The following C3orf49 variants were observed in gnomAD, a reference collection of about 807,000 sequenced individuals.
The protein encoded by C3orf49 is putative uncharacterized protein C3orf49.
Under a neutral mutation model 13.3 loss-of-function variants are expected in C3orf49, and 27 were observed. The ratio of observed to expected loss-of-function variants is 2.02; its 90% CI spans 1.49 to 2.79. The LOEUF (loss-of-function observed/expected upper bound fraction) is 2.79, where lower values mean the gene tolerates loss of function less well. Ranked by LOEUF, C3orf49 falls within the 30% of genes most tolerant of loss-of-function variation. C3orf49 has a pLI of 0.00. For synonymous variants in C3orf49, 87 were observed against 47.6 expected, an observed-to-expected ratio of 1.83 and a Z score of -3.40; for missense variants, 242 against 134.2, an observed-to-expected ratio of 1.80 and a Z score of -3.97.
chr3:63,785,823 T>A, the C3orf49 span, among the ~76,000 whole-genome samples: 4 of 152,008 alleles, frequency 2.6e-5, no homozygotes, highest in African/African-American at 4.8e-5. Context: ...TGCAACTATC[T>A]GTTAAGTAAT....
intron 6 of C3orf49, among the ~76,000 whole-genome samples, chr3:63,846,412 T>G (rs1431734557): frequency 1.3e-5 from 2 of 152,020 alleles, no homozygotes; most frequent in Admixed American, 6.6e-5. Flanking sequence ...TATTTAAAAA[T>G]TTTTATTTTT....
the C3orf49 span, among the ~76,000 whole-genome samples, chr3:63,801,978 T>C: frequency 2.0e-5 from 3 of 152,230 alleles, no homozygotes; most frequent in African/African-American, 7.2e-5. Context: ...CAAATGCCTA[T>C]TCTTTACACT....
upstream of C3orf49, among the ~76,000 whole-genome samples, chr3:63,815,768 TTTC>T (rs1169216873): frequency 1.1e-4 from 16 of 147,790 alleles, no homozygotes; most frequent in African/African-American, 4.2e-4. Context: ...TTTTCTTTTC[TTTC>T]TTTTTTTTTT....
the C3orf49 span, chr3:63,786,039 T>C: frequency 6.6e-6 from 1 of 152,134 alleles, no homozygotes. Flanking sequence ...TGCTGTCAAT[T>C]ATAAAGCCAG....
chr3:63,813,407 C>T, the C3orf49 span, among the ~76,000 whole-genome samples: 2 of 152,114 alleles, frequency 1.3e-5, no homozygotes, highest in South Asian at 2.1e-4. Context: ...CAGTGGGGTA[C>T]AGCCCAGAGC....
upstream of C3orf49, among the ~76,000 whole-genome samples, chr3:63,816,036 G>A (rs192371117): frequency 2.6e-5 from 4 of 151,196 alleles, no homozygotes; most frequent in South Asian, 2.1e-4. Context: ...TGCCTGCCTC[G>A]GCCTCTCAAA....
chr3:63,799,277 G>C, the C3orf49 span, among the ~76,000 whole-genome samples: 1 of 152,140 alleles, frequency 6.6e-6, no homozygotes, highest in Admixed American at 6.6e-5. Flanking sequence ...TGTGTGTGGG[G>C]AAGCTTGTGT....
chr3:63,835,287 T>TA, intron 5 of C3orf49: 1 of 1,612,178 alleles, frequency 6.2e-7, no homozygotes, highest in Non-Finnish European at 8.5e-7. Flanking sequence ...GACAGACAGA[T>TA]AGACAGATCA....
the C3orf49 span, among the ~76,000 whole-genome samples, chr3:63,782,133 C>T: frequency 1.3e-5 from 2 of 152,154 alleles, no homozygotes; most frequent in African/African-American, 2.4e-5. Flanking sequence ...TAGCCAGAAT[C>T]TCCCTTGAGG....
chr3:63,833,878 A>G (rs1463452607), intron 5 of C3orf49: 10 of 396,758 alleles, frequency 2.5e-5, no homozygotes, highest in East Asian at 4.4e-5. Flanking sequence ...TATGCAGCTT[A>G]AAAGCATTTT....
At chr3:63,815,850 T>C (rs1371376671), upstream of C3orf49, among the ~76,000 whole-genome samples, 2 of 149,392 alleles carry the variant, frequency 1.3e-5, no homozygotes, top group African/African-American at 4.9e-5. Flanking sequence ...CACTGCATCC[T>C]CTGCCTCCTG....
In C3orf49 at chr3:63,842,402, A is replaced by T. The variant is rs1015287056; in HGVS notation, c.850-2621A>T. 2.6e-5 allele frequency among the ~76,000 whole-genome samples: 4 copies of T among 152,178 alleles called. No homozygotes were observed. In the South Asian group the frequency reaches 8.3e-4, roughly 32 times the overall value. The stretch of plus-strand genomic sequence containing the variant: ...TACAGGTATTATGGAAAACAAAATG[A>T]AGAGTCCTCAAAAAACTGAAAATAT... On this transcript the variant is annotated intron_variant, in intron 5 of 6. Transcript: ENST00000295896.
chr3:63,800,751 A>G, the C3orf49 span, among the ~76,000 whole-genome samples: 2 of 152,076 alleles, frequency 1.3e-5, no homozygotes, highest in Admixed American at 6.5e-5. Context: ...CTCTTCCCAT[A>G]TGTTTTTAAA....
intron 5 of C3orf49, among the ~76,000 whole-genome samples, chr3:63,836,127 G>A (rs942690403): frequency 6.6e-6 from 1 of 151,778 alleles, no homozygotes; most frequent in African/African-American, 2.4e-5. Context: ...ACATATAGCT[G>A]GTAAGGTTAG....
chr3:63,820,882 C>A (rs1701384970), intron 1 of C3orf49, among the ~76,000 whole-genome samples: 1 of 152,042 alleles, frequency 6.6e-6, no homozygotes, highest in African/African-American at 2.4e-5. Flanking sequence ...TTGCAGAACC[C>A]TGCCCTTGGT....
chr3:63,810,131 GC>G, the C3orf49 span, among the ~76,000 whole-genome samples: 2 of 151,502 alleles, frequency 1.3e-5, no homozygotes, highest in Non-Finnish European at 2.9e-5. Flanking sequence ...GGGCGACAGA[GC>G]AAGACACCAT....
At chr3:63,840,256 T>C (rs1701729067) in intron 5 of C3orf49, among the ~76,000 whole-genome samples, 1 of 152,104 alleles carries the variant, frequency 6.6e-6, no homozygotes, top group Non-Finnish European at 1.5e-5. Flanking sequence ...ACAGGAAATA[T>C]TTAAAAGATG....
the C3orf49 span, among the ~76,000 whole-genome samples, chr3:63,785,775 G>A: frequency 6.6e-6 from 1 of 151,880 alleles, no homozygotes; most frequent in Non-Finnish European, 1.5e-5. Context: ...ATGCAGAGAG[G>A]AGCCCCAACA....
At chr3:63,840,911 G>C (rs1324874185) in intron 5 of C3orf49, among the ~76,000 whole-genome samples, 1 of 152,190 alleles carries the variant, frequency 6.6e-6, no homozygotes, top group Non-Finnish European at 1.5e-5. Flanking sequence ...CTACCATTCT[G>C]ACCCCATAAT....
Sources: gnomAD v4.1 joint callset for allele counts (sites outside exome capture counted in the v4.1 genomes callset) on GRCh38, gnomAD v4.1.1 for gene constraint, MANE v1.5 for transcripts, NCBI Gene and HGNC (gene_info 2026-07-23, HGNC 2026-07-21) for gene names.